TENM1: variants seen among roughly 807,000 people sequenced by gnomAD.
TENM1 encodes the protein teneurin-1.
TENM1 carries 35 observed loss-of-function variants against 174.8 expected under a neutral mutation model. That is an observed-to-expected ratio of 0.20 (90% CI 0.15 to 0.27). The LOEUF is 0.27. TENM1 is among the 10% of genes least tolerant of loss of function. The pLI, the probability that TENM1 is intolerant of heterozygous loss-of-function variation, is 1.00. For missense variants in TENM1, 1,633 were observed against 2,130.1 expected (o/e 0.77, Z 4.59); for synonymous variants, 781 against 798.7 (o/e 0.98, Z 0.37).
At chrX:124,951,161 TA>T (rs750085136) in intron 1 of TENM1, among the ~76,000 whole-genome samples, 51 of 111,476 alleles carry the variant, frequency 4.6e-4, no homozygotes, top group Non-Finnish European at 8.5e-4. Flanking sequence ...CCACAATTAA[TA>T]AAAAAAACCA....
chrX:124,899,109 T>C (rs969263266), intron 1 of TENM1, among the ~76,000 whole-genome samples: 3 of 111,973 alleles, frequency 2.7e-5, no homozygotes, highest in Non-Finnish European at 5.6e-5. Flanking sequence ...TACACAAACG[T>C]CTTGGTGGTG....
At chrX:124,907,624 C>T (rs927627884) in intron 1 of TENM1, among the ~76,000 whole-genome samples, 24 of 111,492 alleles carry the variant, frequency 2.2e-4, no homozygotes, top group African/African-American at 6.2e-4. Context: ...GTTAACTCAG[C>T]GCAAATGAAG....
Position 124,520,579 on chromosome X carries a change from G to T in TENM1, c.3239C>A (p.Thr1080Lys), listed in dbSNP as rs139672479. Reference sequence around the variant, plus strand: ...GATGTCGGTCTTGTTCCAAGCAAATGTGTAGACAAGATTAATTGCGGCGGG... The same window carrying T: ...GATGTCGGTCTTGTTCCAAGCAAATTTGTAGACAAGATTAATTGCGGCGGG... Residue 1080 changes from threonine to lysine, a missense_variant, in exon 18 of 32, where the codon ACA becomes AAA. Around this residue, in one of 4 missense-constraint regions of TENM1, gnomAD observed 449 missense variants for 636.2 expected, o/e 0.71. Coordinates refer to ENST00000422452, the Ensembl canonical transcript of TENM1. 102 of 1,209,278 alleles carry T rather than the reference G, an allele frequency of 8.4e-5. No homozygotes were observed. The highest frequency in any genetic ancestry group is 8.9e-5 in the Non-Finnish European group (80 of 894,639).
At chrX:124,694,412 C>T (rs1244780825) in intron 5 of TENM1, among the ~76,000 whole-genome samples, 2 of 111,467 alleles carry the variant, frequency 1.8e-5, no homozygotes, top group Non-Finnish European at 3.8e-5. Context: ...ATTTCTCTAC[C>T]TATGTGTAAT....
chrX:124,633,000 G>C (rs1250576634), intron 11 of TENM1, among the ~76,000 whole-genome samples: 3 of 111,983 alleles, frequency 2.7e-5, no homozygotes, highest in Non-Finnish European at 5.6e-5. Flanking sequence ...GAATTTCCAT[G>C]GCAGCAGGGC....
chrX:125,115,561 G>A, the TENM1 span, among the ~76,000 whole-genome samples: 1 of 111,492 alleles, frequency 9.0e-6, no homozygotes, highest in Non-Finnish European at 1.9e-5. Context: ...CAAAATCAAT[G>A]TGCAAAAACC....
the TENM1 span, among the ~76,000 whole-genome samples, chrX:125,078,797 A>G: frequency 8.9e-6 from 1 of 111,951 alleles, no homozygotes; most frequent in East Asian, 2.8e-4. Flanking sequence ...AAACATGAGC[A>G]TTGACATGAA....
At chrX:124,611,908 C>T in intron 11 of TENM1, among the ~76,000 whole-genome samples, 1 of 112,192 alleles carries the variant, frequency 8.9e-6, no homozygotes, top group East Asian at 2.8e-4. Context: ...TCCACAGCTG[C>T]CTCTTAGTAC....
intron 10 of TENM1, 92 bp downstream of exon 13, chrX:124,645,051 C>T (rs2051122755): frequency 2.2e-6 from 2 of 913,090 alleles, no homozygotes; most frequent in African/African-American, 1.9e-5. Flanking sequence ...TTTGCAAAGG[C>T]CACTTGCATC....
intron 3 of TENM1, among the ~76,000 whole-genome samples, chrX:124,811,705 A>G (rs1246251310): frequency 8.9e-6 from 1 of 111,812 alleles, no homozygotes; most frequent in Non-Finnish European, 1.9e-5. Flanking sequence ...GCAAAGAGAT[A>G]TCTACACTCC....
chrX:124,796,527 G>A (rs186874758), intron 3 of TENM1, among the ~76,000 whole-genome samples: 6 of 111,322 alleles, frequency 5.4e-5, no homozygotes, highest in Admixed American at 3.8e-4. Flanking sequence ...GGGACTTCTC[G>A]ACTTAAAAAC....
rs1243253176 is a variant in TENM1, at chrX:124,776,928, A to AT, written c.536-39732dup. ...CTTTTAAATTTAGTTTTATTATTTTATTTTTTTTAATTCCAAGCAAGCAGA... is the reference window on the plus strand; with the variant it reads ...CTTTTAAATTTAGTTTTATTATTTTATTTTTTTTTAATTCCAAGCAAGCAGA... On this transcript the variant is annotated intron_variant, in intron 3 of 31. Transcript: ENST00000422452. Among the ~76,000 whole-genome samples, 3 of 110,748 alleles carry AT rather than the reference A, an allele frequency of 2.7e-5. No homozygotes were observed. In the South Asian group the frequency reaches 1.1e-3, roughly 42 times the overall value.
At chrX:124,758,434 G>T (rs762886814) in intron 3 of TENM1, among the ~76,000 whole-genome samples, 4 of 110,909 alleles carry the variant, frequency 3.6e-5, no homozygotes, top group Non-Finnish European at 7.6e-5. Flanking sequence ...GTGCACTGTC[G>T]GTGGGAATGT....
At chrX:124,526,873 A>G (rs2047988585) in intron 16 of TENM1, among the ~76,000 whole-genome samples, 1 of 112,138 alleles carries the variant, frequency 8.9e-6, no homozygotes, top group Non-Finnish European at 1.9e-5. Flanking sequence ...TGAGACCTTT[A>G]ATACTTCTCA....
the TENM1 span, among the ~76,000 whole-genome samples, chrX:125,023,860 T>C: frequency 9.0e-6 from 1 of 111,082 alleles, no homozygotes. Flanking sequence ...ATCCAGTATC[T>C]ACAAGGAACA....
intron 8 of TENM1, among the ~76,000 whole-genome samples, chrX:124,648,646 C>A (rs2051220592): frequency 8.9e-6 from 1 of 112,115 alleles, no homozygotes; most frequent in Non-Finnish European, 1.9e-5. Flanking sequence ...AATTATTTAT[C>A]TGTTTTCTAC....
At chrX:125,178,473 C>T in the TENM1 span, among the ~76,000 whole-genome samples, 2 of 110,611 alleles carry the variant, frequency 1.8e-5, 1 homozygote, top group South Asian at 7.8e-4. Context: ...AAGATCTTTC[C>T]TTTGCCTACT....
At chrX:125,155,517 G>T in the TENM1 span, among the ~76,000 whole-genome samples, 4 of 110,326 alleles carry the variant, frequency 3.6e-5, no homozygotes, top group Non-Finnish European at 7.6e-5. Context: ...CGTGGAGCAG[G>T]GGGTGGCGCT....
the TENM1 span, among the ~76,000 whole-genome samples, chrX:125,080,276 G>A: frequency 8.9e-6 from 1 of 111,821 alleles, no homozygotes; most frequent in Non-Finnish European, 1.9e-5. Context: ...TAGAATGCCT[G>A]TCCTAAGTTA....
Sources: allele counts gnomAD v4.1 joint callset (sites outside exome capture counted in the v4.1 genomes callset), GRCh38; gene constraint gnomAD v4.1.1; regional missense constraint gnomAD v4.1.1; transcripts MANE v1.5; gene names NCBI Gene and HGNC (gene_info 2026-07-23, HGNC 2026-07-21).